The following PLPPR1 variants were observed in gnomAD, a reference collection of about 807,000 sequenced individuals.
The protein encoded by PLPPR1 is phospholipid phosphatase-related protein type 1.
Under a neutral mutation model 33.1 loss-of-function variants are expected in PLPPR1, and 10 were observed. The observed-to-expected ratio is 0.30, with a 90% confidence interval of 0.19 to 0.51. The LOEUF is 0.51. Among genes scored for constraint, PLPPR1 ranks in the 20% least tolerant of loss-of-function variants. The pLI, the probability that PLPPR1 is intolerant of heterozygous loss-of-function variation, is 0.97. For missense variants in PLPPR1, 304 were observed against 408.1 expected (o/e 0.74, Z 2.20); for synonymous variants, 151 against 151.0 (o/e 1.00, Z 0.00).
chr9:101,273,788 A>G (rs1174567056), intron 3 of PLPPR1, among the ~76,000 whole-genome samples: 2 of 152,236 alleles, frequency 1.3e-5, no homozygotes, highest in Non-Finnish European at 2.9e-5. Context: ...TATTGGTTTT[A>G]AACCAAAGAC....
intron 1 of PLPPR1, among the ~76,000 whole-genome samples, chr9:101,109,544 G>C (rs867400920): frequency 2.3e-4 from 35 of 152,258 alleles, no homozygotes; most frequent in Middle Eastern, 6.8e-3. Context: ...AGCTACACAG[G>C]AAGTATTCAA....
chr9:101,169,732 C>A (rs1224174442), intron 1 of PLPPR1, among the ~76,000 whole-genome samples: 1 of 151,724 alleles, frequency 6.6e-6, no homozygotes, highest in South Asian at 2.1e-4. Context: ...AAAAAATAAT[C>A]TAAAGTGATT....
chr9:101,207,396 C>A (rs1243507528), intron 2 of PLPPR1, among the ~76,000 whole-genome samples: 1 of 152,198 alleles, frequency 6.6e-6, no homozygotes, highest in Non-Finnish European at 1.5e-5. Flanking sequence ...TGTCTTCAAA[C>A]CCTTTATTCC....
At chr9:101,276,247 C>A (rs1319855945) in intron 3 of PLPPR1, among the ~76,000 whole-genome samples, 1 of 151,916 alleles carries the variant, frequency 6.6e-6, no homozygotes, top group African/African-American at 2.4e-5. Context: ...AAATTCACAA[C>A]ATTTTCTTTG....
chr9:101,136,606 G>A (rs1411983635), intron 1 of PLPPR1, among the ~76,000 whole-genome samples: 2 of 152,126 alleles, frequency 1.3e-5, no homozygotes, highest in Non-Finnish European at 2.9e-5. Context: ...AATAAGGTCA[G>A]CATATGTTTA....
intron 1 of PLPPR1, among the ~76,000 whole-genome samples, chr9:101,054,835 A>C (rs1017643539): frequency 1.3e-5 from 2 of 152,204 alleles, no homozygotes; most frequent in Admixed American, 6.5e-5. Context: ...AAAAGTGAAA[A>C]GACAGAATGG....
intron 1 of PLPPR1, among the ~76,000 whole-genome samples, chr9:101,070,042 C>T (rs1564135860): frequency 6.6e-6 from 1 of 152,094 alleles, no homozygotes; most frequent in Non-Finnish European, 1.5e-5. Context: ...TAACCTTGAT[C>T]ACCTGGCTGA....
At chr9:101,109,265 C>G (rs966833803) in intron 1 of PLPPR1, among the ~76,000 whole-genome samples, 2 of 151,612 alleles carry the variant, frequency 1.3e-5, no homozygotes, top group Admixed American at 1.3e-4. Flanking sequence ...TGAGCCACCG[C>G]GCCCGACTGG....
chr9:101,053,611 C>A (rs1830249076), intron 1 of PLPPR1, among the ~76,000 whole-genome samples: 1 of 152,084 alleles, frequency 6.6e-6, no homozygotes, highest in Non-Finnish European at 1.5e-5. Flanking sequence ...GCCTACCTTA[C>A]AAGATTGTTT....
chr9:101,076,908 C>T (rs1448532856), intron 1 of PLPPR1, among the ~76,000 whole-genome samples: 2 of 152,164 alleles, frequency 1.3e-5, no homozygotes, highest in South Asian at 4.1e-4. Context: ...GCCATTTCCT[C>T]GGCTTCTTCC....
chr9:101,035,449 A>G (rs1829998498), intron 1 of PLPPR1, among the ~76,000 whole-genome samples: 1 of 152,034 alleles, frequency 6.6e-6, no homozygotes, highest in African/African-American at 2.4e-5. Context: ...AGTTACCCCC[A>G]TGAGATTTTT....
chr9:101,081,892 G>C (rs191902810), intron 1 of PLPPR1, among the ~76,000 whole-genome samples: 1 of 152,246 alleles, frequency 6.6e-6, no homozygotes, highest in Admixed American at 6.5e-5. Context: ...AACTTGGCTG[G>C]CATTGCCTTT....
chr9:101,065,272 A>T (rs1054203748), intron 1 of PLPPR1, among the ~76,000 whole-genome samples: 9 of 152,090 alleles, frequency 5.9e-5, no homozygotes, highest in African/African-American at 2.2e-4. Context: ...GTATGTATGT[A>T]TTCAGAACTT....
intron 1 of PLPPR1, among the ~76,000 whole-genome samples, chr9:101,037,783 G>C (rs1319551764): frequency 6.7e-6 from 1 of 149,504 alleles, no homozygotes; most frequent in East Asian, 2.0e-4. Flanking sequence ...AACATTATCT[G>C]TCTGTATTTT....
At chr9:101,089,290 T>C (rs1830714803) in intron 1 of PLPPR1, among the ~76,000 whole-genome samples, 1 of 99,946 alleles carries the variant, frequency 1.0e-5, no homozygotes, top group African/African-American at 4.0e-5. Context: ...AGCTAGAATA[T>C]AGATAGATAG....
At chr9:101,191,534 A>G (rs1826297137) in intron 2 of PLPPR1, among the ~76,000 whole-genome samples, 1 of 151,652 alleles carries the variant, frequency 6.6e-6, no homozygotes, top group African/African-American at 2.4e-5. Flanking sequence ...CTCATGCTTG[A>G]GACTTTTTTT....
At chr9:101,070,367 C>T (rs1199347969) in intron 1 of PLPPR1, among the ~76,000 whole-genome samples, 1 of 151,996 alleles carries the variant, frequency 6.6e-6, no homozygotes, top group Admixed American at 6.6e-5. Context: ...CCATTGGGAA[C>T]TCTTTCAGTT....
chr9:101,061,029 C>G (rs1830341009), intron 1 of PLPPR1, among the ~76,000 whole-genome samples: 1 of 151,830 alleles, frequency 6.6e-6, no homozygotes, highest in East Asian at 1.9e-4. Flanking sequence ...TGTCACCTTT[C>G]AAGAAATCCA....
At chr9:101,216,742 T>C (rs545852894) in intron 2 of PLPPR1, among the ~76,000 whole-genome samples, 13 of 152,278 alleles carry the variant, frequency 8.5e-5, no homozygotes, top group African/African-American at 3.1e-4. Flanking sequence ...GATAATTTTT[T>C]ATTGTGGATG....
Sources: gnomAD v4.1 joint callset for allele counts (sites outside exome capture counted in the v4.1 genomes callset) on GRCh38, gnomAD v4.1.1 for gene constraint, MANE v1.5 for transcripts, NCBI Gene and HGNC (gene_info 2026-07-23, HGNC 2026-07-21) for gene names.